Variants in PRKCB observed in about 807,000 individuals in gnomAD.
The protein encoded by PRKCB is protein kinase C beta, also known as protein kinase C beta type.
Under a neutral mutation model 81.5 loss-of-function variants are expected in PRKCB, and 13 were observed. The observed-to-expected ratio is 0.16, with a 90% CI of 0.10 to 0.25. The LOEUF (loss-of-function observed/expected upper bound fraction) is 0.25, where lower values mean the gene tolerates loss of function less well. PRKCB is among the 10% of genes least tolerant of loss of function. The pLI, the probability that PRKCB is intolerant of heterozygous loss-of-function variation, is 1.00. For synonymous variants in PRKCB, 335 were observed against 321.4 expected (o/e 1.04, Z -0.45); for missense variants, 509 against 875.7 (o/e 0.58, Z 5.29).
At chr16:23,908,534 T>C (rs893292114) in intron 2 of PRKCB, among the ~76,000 whole-genome samples, 3 of 152,154 alleles carry the variant, frequency 2.0e-5, no homozygotes, top group South Asian at 2.1e-4. Flanking sequence ...GCTTTCCCTT[T>C]ATTTCTTTTT....
In PRKCB at chr16:24,215,030, A is replaced by G. The variant is rs4787872; in HGVS notation, c.*214A>G. The G allele has an allele frequency of 6.1e-3, 8,207 of 1,347,592 alleles. 28 individuals are homozygous for G. The highest frequency in any genetic ancestry group is 7.2e-3 in the Non-Finnish European group (7,520 of 1,049,042). The allele number at this position is 1,347,592 out of a possible 1,614,324, so 83.5% of individuals were successfully genotyped here. ...GATGGCCTATGGAAAATGCAGCTGC[A>G]TAATTAACACATTATCAAAGTCCTC... On this transcript the variant is annotated 3_prime_UTR_variant, in exon 17 of 17. Coordinates refer to ENST00000643927, the MANE Select transcript of PRKCB (RefSeq NM_002738.7).
At chr16:24,059,913 G>A (rs1291917858) in intron 5 of PRKCB, among the ~76,000 whole-genome samples, 2 of 152,190 alleles carry the variant, frequency 1.3e-5, no homozygotes, top group Non-Finnish European at 2.9e-5. Context: ...GGAGTTAAGA[G>A]GCAGGATGCC....
chr16:24,186,431 A>T (rs1486355355), intron 15 of PRKCB, among the ~76,000 whole-genome samples: 1 of 152,198 alleles, frequency 6.6e-6, no homozygotes, highest in Non-Finnish European at 1.5e-5. Flanking sequence ...TTCAACTCTG[A>T]TGGAAGCCTG....
intron 13 of PRKCB, among the ~76,000 whole-genome samples, chr16:24,182,019 A>C (rs1371668421): frequency 6.6e-6 from 1 of 152,172 alleles, no homozygotes; most frequent in Non-Finnish European, 1.5e-5. Flanking sequence ...GTATTACTTG[A>C]GTAATAAAGT....
intron 2 of PRKCB, among the ~76,000 whole-genome samples, chr16:23,846,232 C>G (rs879368292): frequency 6.6e-6 from 1 of 152,072 alleles, no homozygotes; most frequent in Non-Finnish European, 1.5e-5. Context: ...TAACAACCCT[C>G]TAACACAAAT....
At chr16:23,893,112 CTACCTGAATCCT>C (rs1963320568) in intron 2 of PRKCB, 1 of 152,166 alleles carries the variant, frequency 6.6e-6, no homozygotes, top group African/African-American at 2.4e-5. Context: ...CTCCAGTCCA[CTACCTGAATCCT>C]TTCTCTTCTC....
intron 2 of PRKCB, among the ~76,000 whole-genome samples, chr16:23,913,389 A>G (rs1308255027): frequency 6.6e-6 from 1 of 152,046 alleles, no homozygotes; most frequent in East Asian, 1.9e-4. Context: ...GGGATCATAG[A>G]GTCCCAGTGC....
In PRKCB at chr16:24,174,599, A is replaced by AC; in HGVS notation, c.1394+20dup. The AC allele has an allele frequency of 1.2e-6, 2 of 1,601,130 alleles. No homozygotes were observed. The highest frequency in any genetic ancestry group is 8.5e-7 in the Non-Finnish European group (1 of 1,170,126). On this transcript the variant is annotated intron_variant, in intron 12 of 16. Transcript: ENST00000643927. The stretch of plus-strand genomic sequence containing the variant: ...TTTACCGGTAAGTGAACACTGCTGT[A>AC]CTTTCCATCTCTTCATCTCCCTCAG...
intron 7 of PRKCB, among the ~76,000 whole-genome samples, chr16:24,110,476 A>C: frequency 6.9e-6 from 1 of 144,102 alleles, no homozygotes; most frequent in Non-Finnish European, 1.5e-5. Flanking sequence ...CTACCAAAGT[A>C]CTGGGATTAC....
intron 5 of PRKCB, among the ~76,000 whole-genome samples, chr16:24,061,156 A>G (rs1035007335): frequency 6.6e-6 from 1 of 151,920 alleles, no homozygotes; most frequent in Non-Finnish European, 1.5e-5. Flanking sequence ...CGCCTCCCGA[A>G]TTCAAGCAAT....
intron 3 of PRKCB, among the ~76,000 whole-genome samples, chr16:24,004,076 T>C (rs1486264268): frequency 1.3e-5 from 2 of 152,064 alleles, no homozygotes; most frequent in African/African-American, 4.8e-5. Context: ...AAAATTATGA[T>C]CAATATAACA....
chr16:24,148,806 CCA>C (rs1967031545), intron 9 of PRKCB, among the ~76,000 whole-genome samples: 1 of 152,130 alleles, frequency 6.6e-6, no homozygotes, highest in African/African-American at 2.4e-5. Context: ...TTTTATTAGA[CCA>C]TAGCCACACT....
chr16:24,218,258 G>A lies in PRKCB; in HGVS notation c.*3442G>A. 1 of 985,412 alleles carries A rather than the reference G, an allele frequency of 1.0e-6. No homozygotes were observed. The allele number at this position is 985,412 out of a possible 1,614,324, so 61.0% of individuals were successfully genotyped here. Reference sequence around the variant, plus strand: ...AAAGTGTGACTTGTGGGGATTGGGAGAGAGATGCACAGACAATATTAAAGA... The same window carrying A: ...AAAGTGTGACTTGTGGGGATTGGGAAAGAGATGCACAGACAATATTAAAGA... On this transcript the variant is annotated 3_prime_UTR_variant, in exon 17 of 17. Coordinates refer to ENST00000643927, the MANE Select transcript of PRKCB (RefSeq NM_002738.7).
At chr16:24,007,630 T>C (rs1214875205) in intron 3 of PRKCB, among the ~76,000 whole-genome samples, 1 of 152,210 alleles carries the variant, frequency 6.6e-6, no homozygotes, top group Non-Finnish European at 1.5e-5. Context: ...TCCATGATGC[T>C]GGAAGGCCAG....
chr16:24,043,002 G>T (rs746391216), intron 5 of PRKCB, among the ~76,000 whole-genome samples: 1 of 152,166 alleles, frequency 6.6e-6, no homozygotes, highest in Admixed American at 6.6e-5. Context: ...CTCCCAAAGC[G>T]CTGGGATTAT....
At chr16:24,181,789 A>AAAAAAAAAAAAAAAAAAG (rs1013403340) in intron 13 of PRKCB, among the ~76,000 whole-genome samples, 6 of 138,710 alleles carry the variant, frequency 4.3e-5, no homozygotes, top group South Asian at 5.1e-4. Flanking sequence ...AAAAAAAAAA[A>AAAAAAAAAAAAAAAAAAG]AAGAAGAAGA....
chr16:23,887,821 AAGAGCG>A (rs760554421), intron 2 of PRKCB, among the ~76,000 whole-genome samples: 22,863 of 152,236 alleles, frequency 0.15, 1,839 homozygotes, highest in Middle Eastern at 0.23. Context: ...CCAACAGTGT[AAGAGCG>A]TCCTTTTTTC....
At chr16:24,071,342 G>A (rs970757331) in intron 5 of PRKCB, among the ~76,000 whole-genome samples, 2 of 149,652 alleles carry the variant, frequency 1.3e-5, no homozygotes, top group South Asian at 2.1e-4. Context: ...GATGGCTGAC[G>A]TCTGTAATCC....
intron 16 of PRKCB, among the ~76,000 whole-genome samples, chr16:24,201,118 T>TC (rs1967950137): frequency 6.6e-6 from 1 of 151,804 alleles, no homozygotes; most frequent in Non-Finnish European, 1.5e-5. Context: ...ATGTTTTCCC[T>TC]CCCCCAACTC....
Sources: allele counts gnomAD v4.1 joint callset (sites outside exome capture counted in the v4.1 genomes callset), GRCh38; gene constraint gnomAD v4.1.1; transcripts MANE v1.5; gene names NCBI Gene and HGNC (gene_info 2026-07-23, HGNC 2026-07-21).